The following PCDHGA5 variants were observed in gnomAD, a reference collection of about 807,000 sequenced individuals.
PCDHGA5 encodes protocadherin gamma subfamily A, 5.
Under a neutral mutation model 56.7 loss-of-function variants are expected in PCDHGA5, and 36 were observed. The observed-to-expected ratio is 0.64, with a 90% CI of 0.49 to 0.84. The LOEUF (loss-of-function observed/expected upper bound fraction) is 0.84. PCDHGA5 is among the 40% of genes least tolerant of loss of function. The pLI is 0.00. For missense variants in PCDHGA5, 1,305 were observed against 1,201.5 expected, an observed-to-expected ratio of 1.09 and a Z score of -1.27; for synonymous variants, 563 against 520.2, an observed-to-expected ratio of 1.08 and a Z score of -1.12.
At chr5:141,385,427 T>C (rs1052771598) in intron 1 of PCDHGA5, 27 of 1,460,068 alleles carry the variant, frequency 1.8e-5, no homozygotes, top group Non-Finnish European at 2.3e-5. Context: ...TAAAAAACTT[T>C]ATAGAGGTAA....
chr5:141,507,915 G>A (rs1324577269), intron 3 of PCDHGA5, among the ~76,000 whole-genome samples: 2 of 152,224 alleles, frequency 1.3e-5, no homozygotes, highest in African/African-American at 4.8e-5. Flanking sequence ...AGCCAGGCCT[G>A]TGGGGCTGCT....
chr5:141,370,601 T>G, intron 1 of PCDHGA5: 2 of 1,614,004 alleles, frequency 1.2e-6, no homozygotes, highest in Non-Finnish European at 1.7e-6. Context: ...TGCGGGTTAT[T>G]GCAGAGAAGA....
Position 141,427,133 on chromosome 5 carries a change from A to AGAT in PCDHGA5, c.2421+60386_2421+60388dup, listed in dbSNP as rs370316028. 2.9e-4 allele frequency: 134 copies of AGAT among 457,190 alleles called. 1 individual carries two copies. The highest frequency in any genetic ancestry group is 2.4e-3 in the African/African-American group (123 of 50,216). The allele number at this position is 457,190 out of a possible 1,614,324, so 28.3% of individuals were successfully genotyped here. On this transcript the variant is annotated intron_variant, in intron 1 of 3. Transcript: ENST00000518069. ...TCACCTACTCTTTCAAATCCCTACG[A>AGAT]GATGATATTGGAAATATGTTTGTGC...
chr5:141,437,741 CTTT>C (rs35124340), intron 1 of PCDHGA5, among the ~76,000 whole-genome samples: 1 of 141,708 alleles, frequency 7.1e-6, no homozygotes. Context: ...TTGAGTTCAC[CTTT>C]TTTTTTTTTT....
chr5:141,446,747 G>A (rs997132200), intron 1 of PCDHGA5, among the ~76,000 whole-genome samples: 10 of 152,190 alleles, frequency 6.6e-5, no homozygotes, highest in African/African-American at 1.4e-4. Context: ...GATTACAGGC[G>A]TGAGCCACCG....
intron 1 of PCDHGA5, among the ~76,000 whole-genome samples, chr5:141,484,321 G>A (rs2099594762): frequency 6.6e-6 from 1 of 152,124 alleles, no homozygotes; most frequent in Non-Finnish European, 1.5e-5. Flanking sequence ...CTTCCATACT[G>A]TCCTTGAAAT....
In PCDHGA5 at chr5:141,365,423, G is replaced by A. The variant is rs182594355; in HGVS notation, c.1093G>A (p.Val365Ile). ...SISEDCLPGT[V>I]IALFSVHDGD... ...CTCTGAAGACTGTCTTCCCGGAACT[G>A]TAATCGCGCTGTTTAGCGTACATGA... The change falls in exon 1 of 4, where the codon GTA (valine) becomes ATA (isoleucine). Residue 365 changes from valine to isoleucine, a missense_variant. Physicochemically the swap from Val to Ile is conservative, Grantham distance 29. Coordinates refer to ENST00000518069, the MANE Select transcript of PCDHGA5 (RefSeq NM_018918.3). 180 of 1,614,018 alleles carry A rather than the reference G, an allele frequency of 1.1e-4. No individual in the cohort carries two copies. In the East Asian group the frequency reaches 2.5e-3, roughly 23 times the overall value.
At chr5:141,437,150 A>T (rs572721302) in intron 1 of PCDHGA5, among the ~76,000 whole-genome samples, 1 of 152,328 alleles carries the variant, frequency 6.6e-6, no homozygotes, top group East Asian at 1.9e-4. Flanking sequence ...CATAATTAAC[A>T]TATGTGTTGA....
intron 1 of PCDHGA5, among the ~76,000 whole-genome samples, chr5:141,483,203 A>G (rs940487337): frequency 6.6e-6 from 1 of 152,204 alleles, no homozygotes; most frequent in Admixed American, 6.5e-5. Flanking sequence ...ATTTTATTCC[A>G]TATAGATGAC....
In PCDHGA5 at chr5:141,486,336, G is replaced by A. The variant is rs534793835; in HGVS notation, c.2422-8471G>A. 3.8e-5 allele frequency: 61 copies of A among 1,613,992 alleles called. No individual in the cohort carries two copies. In the African/African-American group the frequency reaches 4.3e-4, roughly 11 times the overall value. On this transcript the variant is annotated intron_variant, in intron 1 of 3. Coordinates refer to ENST00000518069, the MANE Select transcript of PCDHGA5 (RefSeq NM_018918.3). The surrounding 1 kb of genome is among the most constrained non-coding windows in gnomAD (Gnocchi z 5.0). The stretch of plus-strand genomic sequence containing the variant: ...GGGTCAAACGGAGATGTGAGCCTCC[G>A]CATTCCTGACCACTTGCCATTTGCC...
chr5:141,372,030 G>T, intron 1 of PCDHGA5: 2 of 1,613,446 alleles, frequency 1.2e-6, no homozygotes, highest in Non-Finnish European at 1.7e-6. Flanking sequence ...CAGCGCCAAC[G>T]TGAGCCTGCG....
At chr5:141,494,972 C>G in intron 2 of PCDHGA5, 107 bp downstream of exon 2, 1 of 1,581,852 alleles carries the variant, frequency 6.3e-7, no homozygotes, top group Non-Finnish European at 8.6e-7. Context: ...TGGCTTCTCC[C>G]TCAGTTTGAG....
chr5:141,398,040 C>T (rs569692941), intron 1 of PCDHGA5: 5 of 1,485,976 alleles, frequency 3.4e-6, no homozygotes, highest in East Asian at 4.8e-5. Context: ...AACTAAAGCC[C>T]GTTCGGAGAT....
At chr5:141,495,356 C>A (rs889897990) in intron 2 of PCDHGA5, among the ~76,000 whole-genome samples, 3 of 152,222 alleles carry the variant, frequency 2.0e-5, no homozygotes, top group Non-Finnish European at 4.4e-5. Flanking sequence ...GGCAGCACAG[C>A]TGGAGGTGGA....
intron 2 of PCDHGA5, among the ~76,000 whole-genome samples, chr5:141,505,177 A>T (rs917485235): frequency 6.6e-6 from 1 of 152,180 alleles, no homozygotes. Context: ...AAAAGAAAAA[A>T]GCATCGGAGG....
chr5:141,384,261 C>G (rs1561601309), intron 1 of PCDHGA5: 1 of 1,613,910 alleles, frequency 6.2e-7, no homozygotes, highest in East Asian at 2.2e-5. Context: ...CCTTCCCCCA[C>G]TCATCCTACT....
Position 141,427,920 on chromosome 5 carries a change from C to T in PCDHGA5, c.2421+61169C>T, listed in dbSNP as rs552823212. The T allele has an allele frequency of 3.8e-6, 6 of 1,579,506 alleles. No homozygotes were observed. In the African/African-American group the frequency reaches 4.0e-5, roughly 11 times the overall value. On this transcript the variant is annotated intron_variant, in intron 1 of 3. Transcript: ENST00000518069. The stretch of plus-strand genomic sequence containing the variant: ...GCCCGCGCTCAGCGCCAACATGAGC[C>T]GGCGCATGTTGGTGGGCGACCTCAA...
chr5:141,432,538 G>C lies in PCDHGA5; in HGVS notation c.2422-62269G>C, dbSNP rs200601557. The C allele has an allele frequency of 2.5e-5, 40 of 1,614,026 alleles. No individual in the cohort carries two copies. The highest frequency in any genetic ancestry group is 1.5e-4 in the Admixed American group (9 of 60,032). On this transcript the variant is annotated intron_variant, in intron 1 of 3. Coordinates refer to ENST00000518069, the MANE Select transcript of PCDHGA5 (RefSeq NM_018918.3). This position sits in a 1 kb window ranked among gnomAD's most constrained non-coding sequence, Gnocchi z 6.0. ...GCTACCTGGTGACCAAGGTGGTGGC[G>C]GTGGACAGAGACTCCGGCCAGAACG...
intron 1 of PCDHGA5, chr5:141,421,262 GGCT>G (rs748368476): frequency 2.1e-5 from 34 of 1,608,226 alleles, no homozygotes; most frequent in Admixed American, 5.1e-5. Flanking sequence ...GACCGCAGTC[GGCT>G]GCTGCTGCTG....
Sources: allele counts gnomAD v4.1 joint callset (sites outside exome capture counted in the v4.1 genomes callset), GRCh38; gene constraint gnomAD v4.1.1; non-coding constraint Gnocchi (gnomAD v3.1); transcripts MANE v1.5; gene names NCBI Gene and HGNC (gene_info 2026-07-23, HGNC 2026-07-21).